The following SUSD5 variants were observed in gnomAD, a reference collection of about 807,000 sequenced individuals.
The protein encoded by SUSD5 is sushi domain containing 5, also known as sushi domain-containing protein 5.
In SUSD5, 33 loss-of-function variants were observed where a neutral mutation model predicts 29.5. That is an observed-to-expected ratio of 1.12 (90% CI 0.85 to 1.49). SUSD5 has a LOEUF of 1.49. Among genes scored for constraint, SUSD5 ranks in the 40% most tolerant of loss-of-function variants. The pLI is 0.00. For missense variants in SUSD5, 776 were observed against 800.6 expected (o/e 0.97, Z 0.37); for synonymous variants, 308 against 325.3 (o/e 0.95, Z 0.57).
intron 1 of SUSD5, among the ~76,000 whole-genome samples, chr3:33,215,267 T>C (rs2032407616): frequency 1.3e-5 from 2 of 152,014 alleles, no homozygotes; most frequent in African/African-American, 4.8e-5. Flanking sequence ...GAAAACAAAA[T>C]TAGCACTCTT....
intron 3 of SUSD5, among the ~76,000 whole-genome samples, chr3:33,189,478 CAA>C (rs71630568): frequency 0.087 from 7,868 of 90,794 alleles, 129 homozygotes; most frequent in East Asian, 0.2. Flanking sequence ...CTCTCCTTCT[CAA>C]AAAAAAAAAA....
rs1575524092 is a variant in SUSD5, at chr3:33,151,074, C to T, written c.*1668G>A. 6.6e-6 allele frequency: 1 copy of T among 152,414 alleles called. No homozygotes were observed. The highest frequency in any genetic ancestry group is 2.1e-4 in the South Asian group (1 of 4,826). The allele number at this position is 152,414 out of a possible 1,614,324, so 9.4% of individuals were successfully genotyped here. On this transcript the variant is annotated 3_prime_UTR_variant, in exon 5 of 5. Coordinates refer to ENST00000309558, the MANE Select transcript of SUSD5 (RefSeq NM_015551.2). ...ATGCCTGACTTCCACACAACACACA[C>T]CACATACTCATCTGTGCCTTTAGGG...
At chr3:33,210,589 T>C (rs1018048604) in intron 2 of SUSD5, among the ~76,000 whole-genome samples, 1 of 152,252 alleles carries the variant, frequency 6.6e-6, no homozygotes, top group Non-Finnish European at 1.5e-5. Context: ...ATAGGGCAGA[T>C]GTGCTAGATG....
In SUSD5 at chr3:33,153,510, G is replaced by T; in HGVS notation, c.1122C>A (p.Tyr374Ter). The T allele has an allele frequency of 6.2e-7, 1 of 1,613,956 alleles. No homozygotes were observed. Among genetic ancestry groups the T allele is most frequent in the South Asian group, 1.1e-5 (1 of 91,060 alleles). Reference sequence around the variant, plus strand: ...TCCTCCAAGCCCCCTCTGTCACAGGGTAGCCATCTAACCAGGACTCATCAC... The same window carrying T: ...TCCTCCAAGCCCCCTCTGTCACAGGTTAGCCATCTAACCAGGACTCATCAC... ...SSSDESWLDGYPVTEGAWRKT... is the reference protein window; with the variant it reads ...SSSDESWLDG The change falls in exon 5 of 5, where the codon TAC becomes TAA. Residue 374 changes from tyrosine (Y) to a stop codon, truncating the protein, a stop_gained. Coordinates refer to ENST00000309558, the MANE Select transcript of SUSD5 (RefSeq NM_015551.2). LOFTEE classifies it low-confidence loss of function (END_TRUNC).
chr3:33,206,021 T>TTCTGGC (rs1395172290), intron 3 of SUSD5, among the ~76,000 whole-genome samples: 1 of 152,234 alleles, frequency 6.6e-6, no homozygotes, highest in African/African-American at 2.4e-5. Context: ...CCTGTTTTTC[T>TTCTGGC]TCTGGCTCTG....
At chr3:33,200,732 G>A (rs1263325022) in intron 3 of SUSD5, among the ~76,000 whole-genome samples, 1 of 152,214 alleles carries the variant, frequency 6.6e-6, no homozygotes, top group African/African-American at 2.4e-5. Flanking sequence ...CCATTTTGAT[G>A]AGGTCTCAGA....
intron 4 of SUSD5, among the ~76,000 whole-genome samples, chr3:33,156,122 C>T (rs1259417832): frequency 1.3e-5 from 2 of 151,578 alleles, no homozygotes; most frequent in Non-Finnish European, 2.9e-5. Context: ...CTCACTGCAA[C>T]CTCCGCCTCC....
At chr3:33,193,644 G>C (rs765531383) in intron 3 of SUSD5, among the ~76,000 whole-genome samples, 12 of 152,170 alleles carry the variant, frequency 7.9e-5, no homozygotes, top group Non-Finnish European at 1.5e-4. Context: ...AGCCTTTGAA[G>C]TGTTGAGTGA....
chr3:33,179,035 G>C (rs2031612510), intron 3 of SUSD5, among the ~76,000 whole-genome samples: 1 of 152,092 alleles, frequency 6.6e-6, no homozygotes, highest in African/African-American at 2.4e-5. Context: ...TTAAATGTTT[G>C]GCAGAATCCA....
intron 3 of SUSD5, among the ~76,000 whole-genome samples, chr3:33,188,359 C>T (rs1359851774): frequency 6.6e-6 from 1 of 152,152 alleles, no homozygotes; most frequent in African/African-American, 2.4e-5. Context: ...AGCTATGTGT[C>T]TTTAGGGCCC....
At chr3:33,178,479 T>G (rs984494526) in intron 3 of SUSD5, among the ~76,000 whole-genome samples, 1 of 151,980 alleles carries the variant, frequency 6.6e-6, no homozygotes, top group Non-Finnish European at 1.5e-5. Flanking sequence ...GACGGAGTCT[T>G]GCTGTCGCCC....
intron 2 of SUSD5, 75 bp from the exon 3 acceptor site, chr3:33,208,001 G>A: frequency 9.1e-7 from 1 of 1,099,470 alleles, no homozygotes; most frequent in Non-Finnish European, 1.4e-6. Flanking sequence ...CTCTTCTGCT[G>A]TCAGCTCCGA....
Position 33,152,419 on chromosome 3 carries a change from CAA to C in SUSD5, c.*321_*322del, listed in dbSNP as rs370617432. The C allele has an allele frequency of 2.4e-4, 53 of 222,196 alleles. No homozygotes were observed. Among genetic ancestry groups the C allele is most frequent in the South Asian group, 1.1e-3 (12 of 11,134 alleles). 13.8% of individuals were successfully genotyped at this position (222,196 alleles called of 1,614,324 possible). A position where few individuals can be genotyped will look rare whatever the true frequency, so the allele number is the denominator to read the frequency against. On this transcript the variant is annotated 3_prime_UTR_variant, in exon 5 of 5. Transcript: ENST00000309558. ...TGGGCAACAGCATGAGACTCTGTCT[CAA>C]AAAAAAAAAGATAATACTGTGATGA...
chr3:33,170,124 G>T (rs1464291702), intron 4 of SUSD5, among the ~76,000 whole-genome samples: 1 of 152,028 alleles, frequency 6.6e-6, no homozygotes, highest in African/African-American at 2.4e-5. Context: ...TTTCCATGTT[G>T]GCCAGGGTGG....
chr3:33,171,932 C>A (rs140533500), intron 4 of SUSD5, among the ~76,000 whole-genome samples: 53 of 152,234 alleles, frequency 3.5e-4, no homozygotes, highest in Non-Finnish European at 6.9e-4. Context: ...CTTTGAGGAA[C>A]CCAGTTTACT....
At chr3:33,213,512 G>T (rs934919239) in intron 2 of SUSD5, among the ~76,000 whole-genome samples, 1 of 152,166 alleles carries the variant, frequency 6.6e-6, no homozygotes, top group Admixed American at 6.5e-5. Context: ...ACACACACCA[G>T]GCGTGGTGGC....
chr3:33,177,862 C>T (rs2031584569), intron 3 of SUSD5, among the ~76,000 whole-genome samples: 1 of 152,074 alleles, frequency 6.6e-6, no homozygotes, highest in East Asian at 1.9e-4. Flanking sequence ...TTATTAGTTC[C>T]AGCTTTTTGT....
intron 3 of SUSD5, among the ~76,000 whole-genome samples, chr3:33,179,489 C>T (rs769367374): frequency 4.6e-5 from 7 of 152,070 alleles, no homozygotes; most frequent in Non-Finnish European, 1.0e-4. Flanking sequence ...TCTTGTTGGC[C>T]TCTCTGTGTA....
chr3:33,217,257 T>C (rs1408907055), intron 1 of SUSD5, among the ~76,000 whole-genome samples: 1 of 152,210 alleles, frequency 6.6e-6, no homozygotes, highest in African/African-American at 2.4e-5. Flanking sequence ...TCTACTTGCA[T>C]TCTTTAAAAT....
Sources: gnomAD v4.1 joint callset for allele counts (sites outside exome capture counted in the v4.1 genomes callset) on GRCh38, gnomAD v4.1.1 for gene constraint, MANE v1.5 for transcripts, NCBI Gene and HGNC (gene_info 2026-07-23, HGNC 2026-07-21) for gene names.